The following C4orf50 variants were observed in gnomAD, a reference collection of about 807,000 sequenced individuals.
C4orf50 encodes uncharacterized protein C4orf50.
In C4orf50, 80 loss-of-function variants were observed where a neutral mutation model predicts 77.2. That is an observed-to-expected ratio of 1.04 (90% CI 0.87 to 1.25). The LOEUF is 1.25. C4orf50 is among the 50% of genes most tolerant of loss of function. The pLI is 0.00. For synonymous variants in C4orf50, 532 were observed against 465.3 expected, an observed-to-expected ratio of 1.14 and a Z score of -1.84; for missense variants, 1,257 against 1,152.9, an observed-to-expected ratio of 1.09 and a Z score of -1.31.
chr4:5,973,378 A>C (rs557197984), intron 31 of C4orf50, among the ~76,000 whole-genome samples: 1 of 152,246 alleles, frequency 6.6e-6, no homozygotes, highest in African/African-American at 2.4e-5. Flanking sequence ...CACACACCCA[A>C]TGAAGCTTGT....
At chr4:5,975,943 G>C (rs1361554850) in exon 30 of C4orf50, 1 of 1,613,730 alleles carries the variant, frequency 6.2e-7, no homozygotes, top group Non-Finnish European at 8.5e-7. Flanking sequence ...TGCTTTTTCT[G>C]AAGTTCTTCA....
chr4:5,990,299 G>C (rs1458239968), exon 28 of C4orf50: 1 of 1,104,366 alleles, frequency 9.1e-7, no homozygotes, highest in Admixed American at 4.2e-5. Context: ...TGGCTTTCCT[G>C]ACTTAGCTGG....
intron 7 of C4orf50, among the ~76,000 whole-genome samples, chr4:5,925,863 G>C (rs952981468): frequency 6.6e-6 from 1 of 150,932 alleles, no homozygotes; most frequent in South Asian, 2.1e-4. Flanking sequence ...AGTTGGGAAG[G>C]GGGTCTTAAG....
intron 30 of C4orf50, 51 bp downstream of exon 8, chr4:5,975,848 T>A (rs1405434401): frequency 7.3e-7 from 1 of 1,367,990 alleles, no homozygotes; most frequent in Admixed American, 1.7e-5. Flanking sequence ...ACTACTAAAC[T>A]CTCTTTTGTT....
chr4:5,951,661 A>G (rs1718727856), intron 7 of C4orf50, among the ~76,000 whole-genome samples: 1 of 152,214 alleles, frequency 6.6e-6, no homozygotes, highest in Non-Finnish European at 1.5e-5. Context: ...GAAATAAATA[A>G]CAGTCCTTCC....
chr4:6,001,351 T>C (rs1447669649), intron 25 of C4orf50, among the ~76,000 whole-genome samples: 1 of 152,198 alleles, frequency 6.6e-6, no homozygotes, highest in African/African-American at 2.4e-5. Context: ...GGTTTCACCA[T>C]GTTGGACAGG....
chr4:5,936,561 T>C (rs1216528513), intron 7 of C4orf50, among the ~76,000 whole-genome samples: 1 of 12,386 alleles, frequency 8.1e-5, no homozygotes, highest in Admixed American at 1.0e-3. Context: ...AGACGCCATC[T>C]CAAAAAAAAA....
At chr4:5,923,031 C>A (rs1075684) in intron 7 of C4orf50, among the ~76,000 whole-genome samples, 1 of 152,016 alleles carries the variant, frequency 6.6e-6, no homozygotes, top group Non-Finnish European at 1.5e-5. Context: ...CATTTTCTCC[C>A]TGGGAGCCCA....
At chr4:5,975,921 T>G (rs757333625) in exon 30 of C4orf50, 1 of 1,613,984 alleles carries the variant, frequency 6.2e-7, no homozygotes, top group South Asian at 1.1e-5. Context: ...CACTGCCAAC[T>G]TTGCTTCATG....
chr4:5,909,980 TA>T (rs1253692631), intron 7 of C4orf50, among the ~76,000 whole-genome samples: 1 of 152,242 alleles, frequency 6.6e-6, no homozygotes, highest in African/African-American at 2.4e-5. Context: ...TTGTGTTAGC[TA>T]TTTGAGGTCT....
At chr4:6,014,283 C>G (rs771915354) in intron 23 of C4orf50, among the ~76,000 whole-genome samples, 19 of 152,020 alleles carry the variant, frequency 1.2e-4, no homozygotes, top group Non-Finnish European at 2.4e-4. Flanking sequence ...ATTACAGACG[C>G]GAGCAACCGG....
At chr4:5,953,337 T>C (rs768997766), downstream of C4orf50, among the ~76,000 whole-genome samples, 3 of 152,120 alleles carry the variant, frequency 2.0e-5, no homozygotes, top group Non-Finnish European at 4.4e-5. Flanking sequence ...GCGGCTACAG[T>C]TGACTTACAC....
intron 7 of C4orf50, among the ~76,000 whole-genome samples, chr4:5,943,815 G>A (rs1048833572): frequency 3.0e-4 from 45 of 152,218 alleles, no homozygotes; most frequent in African/African-American, 1.1e-3. Context: ...ACTGCCCTGT[G>A]TAAGATTAGA....
downstream of C4orf50, among the ~76,000 whole-genome samples, chr4:5,955,330 G>A (rs1474893412): frequency 6.6e-6 from 1 of 152,028 alleles, no homozygotes; most frequent in South Asian, 2.1e-4. This position sits in a 1 kb window ranked among gnomAD's most constrained non-coding sequence, Gnocchi z 5.1. Context: ...GGGAAGAGCT[G>A]GGGTCCAAAG....
chr4:5,986,368 C>A (rs1720857617), intron 28 of C4orf50, among the ~76,000 whole-genome samples: 3 of 150,136 alleles, frequency 2.0e-5, no homozygotes, highest in African/African-American at 7.4e-5. Context: ...TCCAGAGATG[C>A]TTAGAAATCA....
chr4:6,004,182 G>T (rs1577991952), intron 25 of C4orf50, among the ~76,000 whole-genome samples: 1 of 87,824 alleles, frequency 1.1e-5, no homozygotes, highest in African/African-American at 4.3e-5. Flanking sequence ...GGTGATGATG[G>T]TGATGGTGAT....
At chr4:5,933,709 C>T (rs114464731) in intron 7 of C4orf50, among the ~76,000 whole-genome samples, 10,285 of 152,276 alleles carry the variant, frequency 0.068, 403 homozygotes, top group South Asian at 0.12. Flanking sequence ...GCTCGGGTGC[C>T]CATGGGAAAT....
intron 7 of C4orf50, among the ~76,000 whole-genome samples, chr4:5,920,800 C>T (rs1438018614): frequency 6.6e-6 from 1 of 152,158 alleles, no homozygotes; most frequent in Non-Finnish European, 1.5e-5. Flanking sequence ...GTTTTCCAAG[C>T]ACAAGTACCA....
At chr4:5,918,294 G>A (rs771515045) in intron 7 of C4orf50, among the ~76,000 whole-genome samples, 1 of 152,234 alleles carries the variant, frequency 6.6e-6, no homozygotes, top group African/African-American at 2.4e-5. Flanking sequence ...TTCACAGATG[G>A]GGAAGTGGAG....
Sources: gnomAD v4.1 joint callset for allele counts (sites outside exome capture counted in the v4.1 genomes callset) on GRCh38, gnomAD v4.1.1 for gene constraint, Gnocchi (gnomAD v3.1) non-coding constraint, MANE v1.5 for transcripts, NCBI Gene and HGNC (gene_info 2026-07-23, HGNC 2026-07-21) for gene names.